The following PRKG1 variants were observed in gnomAD, a reference collection of about 807,000 sequenced individuals.
PRKG1 encodes the protein protein kinase cGMP-dependent 1, also known as cGMP-dependent protein kinase 1.
In PRKG1, 35 loss-of-function variants were observed where a neutral mutation model predicts 88.1. The ratio of observed to expected loss-of-function variants is 0.40; its 90% CI spans 0.30 to 0.53. The LOEUF is 0.53. PRKG1 is among the 20% of genes least tolerant of loss of function. PRKG1 has a pLI of 0.59. For missense variants in PRKG1, 540 were observed against 839.8 expected (o/e 0.64, Z 4.41); for synonymous variants, 303 against 292.5 (o/e 1.04, Z -0.37).
At chr10:52,281,619 G>A (rs940496432) in intron 13 of PRKG1, among the ~76,000 whole-genome samples, 1 of 152,102 alleles carries the variant, frequency 6.6e-6, no homozygotes, top group Non-Finnish European at 1.5e-5. Flanking sequence ...CCAGAAAAAT[G>A]AAGAATACAT....
At chr10:51,259,756 A>G (rs1206034354) in intron 2 of PRKG1, among the ~76,000 whole-genome samples, 1 of 152,130 alleles carries the variant, frequency 6.6e-6, no homozygotes, top group Admixed American at 6.5e-5. Context: ...GATTACAGGC[A>G]TGAGCCACCG....
chr10:51,940,575 T>A (rs1309483152), intron 5 of PRKG1, among the ~76,000 whole-genome samples: 2 of 151,844 alleles, frequency 1.3e-5, no homozygotes, highest in Non-Finnish European at 2.9e-5. Flanking sequence ...TCTCATGTAG[T>A]GTCAGCCAGG....
intron 5 of PRKG1, among the ~76,000 whole-genome samples, chr10:52,003,510 A>G (rs990419484): frequency 6.6e-6 from 1 of 152,202 alleles, no homozygotes; most frequent in African/African-American, 2.4e-5. Context: ...TCTTGTGCTC[A>G]TCTTTTTTGT....
chr10:51,403,868 A>C (rs1054071197), intron 2 of PRKG1, among the ~76,000 whole-genome samples: 2 of 152,182 alleles, frequency 1.3e-5, no homozygotes, highest in South Asian at 4.1e-4. Flanking sequence ...TAAAAGAAAA[A>C]ATAAATCTAT....
At chr10:52,057,994 T>C (rs1289732265) in intron 6 of PRKG1, among the ~76,000 whole-genome samples, 1 of 151,978 alleles carries the variant, frequency 6.6e-6, no homozygotes, top group East Asian at 1.9e-4. Context: ...AAATAATATT[T>C]GGAAATAAAG....
intron 3 of PRKG1, among the ~76,000 whole-genome samples, chr10:51,744,173 G>T (rs1014257055): frequency 5.9e-5 from 9 of 152,026 alleles, no homozygotes; most frequent in Non-Finnish European, 1.3e-4. Flanking sequence ...CTATGGGCAG[G>T]CCATAGATTT....
chr10:51,365,271 C>T (rs1842566392), intron 2 of PRKG1, among the ~76,000 whole-genome samples: 1 of 151,858 alleles, frequency 6.6e-6, no homozygotes, highest in Non-Finnish European at 1.5e-5. Flanking sequence ...ACATATCTAA[C>T]AGATCCTATT....
At chr10:51,933,664 A>T (rs1842740157) in intron 5 of PRKG1, among the ~76,000 whole-genome samples, 1 of 152,088 alleles carries the variant, frequency 6.6e-6, no homozygotes, top group Admixed American at 6.6e-5. Context: ...AGAAACAAAA[A>T]AATTTGTGCC....
intron 3 of PRKG1, among the ~76,000 whole-genome samples, chr10:51,617,324 CT>C (rs1408095008): frequency 1.3e-5 from 2 of 152,044 alleles, no homozygotes; most frequent in Non-Finnish European, 2.9e-5. Flanking sequence ...CTAGTGTTCT[CT>C]TTTGGATGAT....
chr10:51,331,053 T>C (rs1003001015), intron 2 of PRKG1, among the ~76,000 whole-genome samples: 17 of 152,042 alleles, frequency 1.1e-4, no homozygotes, highest in Admixed American at 5.2e-4. Context: ...AGGACAGATG[T>C]GGCTAGCATG....
rs2043556 is a variant in PRKG1, at chr10:51,299,646, T to C, written c.478+146316T>C. 0.24 allele frequency: 112,516 copies of C among 461,234 alleles called. 14,679 individuals carry two copies. The highest frequency in any genetic ancestry group is 0.41 in the Admixed American group (16,599 of 40,550). The allele number at this position is 461,234 out of a possible 1,614,324, so 28.6% of individuals were successfully genotyped here. On this transcript the variant is annotated intron_variant, in intron 2 of 17. Coordinates refer to ENST00000373980, the MANE Select transcript of PRKG1 (RefSeq NM_006258.4). The stretch of plus-strand genomic sequence containing the variant: ...AGAGAAGGCACTATGAGATTTAGAA[T>C]CAAGTTAGGACTGCAGATACAGGTT...
intron 5 of PRKG1, among the ~76,000 whole-genome samples, chr10:52,005,711 C>T (rs1331246696): frequency 6.6e-6 from 1 of 152,170 alleles, no homozygotes; most frequent in African/African-American, 2.4e-5. Context: ...ATGCAGTCTT[C>T]TGTTGCTCTA....
At chr10:51,646,738 A>G (rs925416412) in intron 3 of PRKG1, among the ~76,000 whole-genome samples, 1 of 151,886 alleles carries the variant, frequency 6.6e-6, no homozygotes, top group Non-Finnish European at 1.5e-5. Flanking sequence ...TAAAAACAGT[A>G]TAAATTTAAA....
chr10:51,624,484 A>C (rs923212382), intron 3 of PRKG1, among the ~76,000 whole-genome samples: 3 of 152,228 alleles, frequency 2.0e-5, no homozygotes, highest in Non-Finnish European at 4.4e-5. Context: ...ACTGAAGCTC[A>C]GTGTTCAATT....
At position 51,153,269 on chromosome 10, in the gene PRKG1, T is replaced by A; in HGVS notation, c.417T>A (p.Tyr139Ter). 6.2e-7 allele frequency: 1 copy of A among 1,612,530 alleles called. No homozygotes were observed. Among genetic ancestry groups the A allele is most frequent in the Non-Finnish European group, 8.5e-7 (1 of 1,178,996 alleles). The change falls in exon 2 of 18, where the codon TAT becomes TAA. Residue 139 changes from tyrosine (Y) to a stop codon, truncating the protein, a stop_gained. Coordinates refer to ENST00000373980, the MANE Select transcript of PRKG1 (RefSeq NM_006258.4). LOFTEE classifies it high-confidence loss of function. ...EIVDCMYPVE[Y>*]GKDSCIIKEG... ...TGGATTGTATGTACCCGGTGGAGTATGGCAAGGACAGTTGCATCATCAAAG... is the reference window on the plus strand; with the variant it reads ...TGGATTGTATGTACCCGGTGGAGTAAGGCAAGGACAGTTGCATCATCAAAG...
At chr10:51,803,989 A>G (rs1839240157) in intron 3 of PRKG1, among the ~76,000 whole-genome samples, 1 of 152,160 alleles carries the variant, frequency 6.6e-6, no homozygotes, top group African/African-American at 2.4e-5. Context: ...AGTGGTGCAT[A>G]AGAGAATAAA....
At chr10:51,651,651 C>G (rs1445283948) in intron 3 of PRKG1, among the ~76,000 whole-genome samples, 1 of 151,448 alleles carries the variant, frequency 6.6e-6, no homozygotes, top group African/African-American at 2.4e-5. Context: ...TGGCGCCATC[C>G]TGGCTCACTG....
At chr10:52,053,075 ATAT>A (rs572608636) in intron 5 of PRKG1, among the ~76,000 whole-genome samples, 20 of 152,138 alleles carry the variant, frequency 1.3e-4, no homozygotes, top group Admixed American at 5.9e-4. Flanking sequence ...GCATTCTATA[ATAT>A]TATTTTTATT....
chr10:51,353,461 T>A (rs1209858631), intron 2 of PRKG1, among the ~76,000 whole-genome samples: 31 of 151,276 alleles, frequency 2.0e-4, no homozygotes, highest in Admixed American at 2.0e-3. Flanking sequence ...GAAAAAAGTA[T>A]AAGAATGTGA....
Sources: gnomAD v4.1 joint callset for allele counts (sites outside exome capture counted in the v4.1 genomes callset) on GRCh38, gnomAD v4.1.1 for gene constraint, MANE v1.5 for transcripts, NCBI Gene and HGNC (gene_info 2026-07-23, HGNC 2026-07-21) for gene names.